Variants in DYRK4 observed in about 807,000 individuals in gnomAD.
The protein encoded by DYRK4 is dual specificity tyrosine-phosphorylation-regulated kinase 4.
DYRK4 carries 64 observed loss-of-function variants against 68.3 expected under a neutral mutation model. The ratio of observed to expected loss-of-function variants is 0.94; its 90% CI spans 0.77 to 1.15. The LOEUF (loss-of-function observed/expected upper bound fraction) is 1.15. Among genes scored for constraint, DYRK4 ranks in the 50% most tolerant of loss-of-function variants. The pLI, the probability that DYRK4 is intolerant of heterozygous loss-of-function variation, is 0.00. For synonymous variants in DYRK4, 274 were observed against 289.9 expected, an observed-to-expected ratio of 0.95 and a Z score of 0.56; for missense variants, 740 against 764.7, an observed-to-expected ratio of 0.97 and a Z score of 0.38.
chr12:4,579,842 A>C (rs1311668881), intron 2 of DYRK4, among the ~76,000 whole-genome samples: 1 of 152,206 alleles, frequency 6.6e-6, no homozygotes, highest in Non-Finnish European at 1.5e-5. Flanking sequence ...TTGGAGGGGA[A>C]GTTCTTTATA....
chr12:4,591,674 G>A lies in DYRK4; in HGVS notation c.463+376G>A, dbSNP rs753819498. The A allele has an allele frequency of 1.5e-5, 3 of 193,904 alleles. No individual in the cohort carries two copies. The highest frequency in any genetic ancestry group is 3.2e-5 in the Non-Finnish European group (3 of 94,518). The allele number at this position is 193,904 out of a possible 1,614,324, so 12.0% of individuals were successfully genotyped here. A position where few individuals can be genotyped will look rare whatever the true frequency, so the allele number is the denominator to read the frequency against. The stretch of plus-strand genomic sequence containing the variant: ...GGAGTGGAAAGGTACTGAATACTGA[G>A]AGCAGAGCAAAGGGTGCTGAAGCTT... On this transcript the variant is annotated intron_variant, in intron 5 of 14. Transcript: ENST00000543431. The surrounding 1 kb of genome is among the most constrained non-coding windows in gnomAD (Gnocchi z 4.1).
chr12:4,567,232 C>T (rs1944685944), intron 1 of DYRK4: 1 of 152,156 alleles, frequency 6.6e-6, no homozygotes, highest in Admixed American at 6.5e-5. Flanking sequence ...TTTGCAGAAG[C>T]TGTCATAATA....
chr12:4,602,779 A>C, intron 10 of DYRK4: 1 of 1,526,254 alleles, frequency 6.6e-7, no homozygotes, highest in Non-Finnish European at 9.1e-7. Flanking sequence ...GTATTGTCCT[A>C]TCCTTGTTTA....
chr12:4,573,484 G>T (rs1329478759), intron 2 of DYRK4: 4 of 992,654 alleles, frequency 4.0e-6, no homozygotes, highest in Non-Finnish European at 5.5e-6. Flanking sequence ...GGAATTGGCG[G>T]GTGGGGGCAT....
intron 2 of DYRK4, among the ~76,000 whole-genome samples, chr12:4,588,029 C>T (rs556621395): frequency 2.6e-5 from 4 of 152,314 alleles, no homozygotes; most frequent in East Asian, 1.9e-4. Flanking sequence ...GCCATGCCTA[C>T]GCCTACATAG....
At chr12:4,603,188 G>A (rs1351603176) in intron 10 of DYRK4, 1 of 1,215,946 alleles carries the variant, frequency 8.2e-7, no homozygotes, top group Non-Finnish European at 1.2e-6. Flanking sequence ...ATTTCTTCTT[G>A]GTGAGACCTC....
At position 4,591,020 on chromosome 12, in the gene DYRK4, G is replaced by A; in HGVS notation, c.325-140G>A. 2.0e-6 allele frequency: 2 copies of A among 985,960 alleles called. No individual in the cohort carries two copies. Among genetic ancestry groups the A allele is most frequent in the East Asian group, 5.2e-5 (2 of 38,492 alleles). 61.1% of individuals were successfully genotyped at this position (985,960 alleles called of 1,614,324 possible). ...GGGAGAGAGGTAGGGAGAACCTTCT[G>A]TCTCTTAATCGCTGTTTTCTCCCTG... is the stretch of plus-strand genomic sequence containing the variant. On this transcript the variant is annotated intron_variant, in intron 4 of 14. Transcript: ENST00000543431. The surrounding 1 kb of genome is among the most constrained non-coding windows in gnomAD (Gnocchi z 4.1).
At chr12:4,596,536 C>T (rs1218735575) in intron 7 of DYRK4, 53 bp from the exon 8 acceptor site, 4 of 1,593,844 alleles carry the variant, frequency 2.5e-6, no homozygotes, top group Admixed American at 3.6e-5. Flanking sequence ...GGACCTGACA[C>T]TGATGTTTCT....
Position 4,599,788 on chromosome 12 carries a change from G to T in DYRK4, c.1126G>T (p.Val376Leu), listed in dbSNP as rs749243941. 2.8e-5 allele frequency: 45 copies of T among 1,613,446 alleles called. No homozygotes were observed. Among genetic ancestry groups the T allele is most frequent in the Middle Eastern group, 1.6e-4 (1 of 6,082 alleles). ...FGSSCYEHQK[V>L]YTYIQSRFYR... ...ATCAAGCTGTTATGAACACCAGAAA[G>T]GTGAGCCCCATGTCAGTCCCATCAT... Residue 376 changes from valine (V) to leucine (L), a missense_variant and splice_region_variant, in exon 10 of 15, where the codon GTA becomes TTA. Physicochemically the swap from Val to Leu is conservative, Grantham distance 32. This residue lies in a region of DYRK4 where 614 missense variants were observed against 603.7 expected (regional missense o/e 1.02). Coordinates refer to ENST00000543431, the MANE Select transcript of DYRK4 (RefSeq NM_001394779.1).
intron 6 of DYRK4, among the ~76,000 whole-genome samples, chr12:4,595,024 C>T (rs1192835836): frequency 2.0e-5 from 3 of 152,302 alleles, no homozygotes; most frequent in South Asian, 2.1e-4. Flanking sequence ...AGTTGACTTG[C>T]GAACGAACAA....
chr12:4,583,792 A>G (rs1319471795), intron 2 of DYRK4, among the ~76,000 whole-genome samples: 1 of 152,100 alleles, frequency 6.6e-6, no homozygotes, highest in African/African-American at 2.4e-5. Context: ...ACAAAGAAGT[A>G]GTGTCAGGGA....
intron 10 of DYRK4, 160 bp from the exon 11 acceptor site, chr12:4,604,754 G>A: frequency 4.0e-6 from 3 of 748,284 alleles, no homozygotes; most frequent in Non-Finnish European, 5.7e-6. Context: ...TGGCGGATTT[G>A]ATGCTGTGAT....
intron 9 of DYRK4, 83 bp downstream of exon 9, chr12:4,599,249 C>T: frequency 8.6e-7 from 1 of 1,161,024 alleles, no homozygotes; most frequent in Non-Finnish European, 1.2e-6. Context: ...TCACAAACTC[C>T]AATCAAATAA....
chr12:4,599,270 C>CTTTT (rs71061195), intron 9 of DYRK4, 104 bp downstream of exon 9: 779 of 459,238 alleles, frequency 1.7e-3, no homozygotes, highest in South Asian at 2.0e-3. Flanking sequence ...TTGCCTTTGA[C>CTTTT]TTTTTTTTTT....
At chr12:4,608,921 G>A (rs1591809102) in intron 12 of DYRK4, among the ~76,000 whole-genome samples, 1 of 152,176 alleles carries the variant, frequency 6.6e-6, no homozygotes, top group Non-Finnish European at 1.5e-5. Context: ...CATGGAGCAC[G>A]CGAACTGGTC....
chr12:4,562,909 A>G (rs772023824), intron 1 of DYRK4: 13 of 359,866 alleles, frequency 3.6e-5, no homozygotes, highest in Non-Finnish European at 7.1e-5. Flanking sequence ...ACAATGCACA[A>G]TTTGAGGGTT....
At chr12:4,577,786 A>T (rs934193547) in intron 2 of DYRK4, among the ~76,000 whole-genome samples, 3 of 152,162 alleles carry the variant, frequency 2.0e-5, no homozygotes, top group African/African-American at 7.2e-5. Flanking sequence ...ATTTATTTAG[A>T]TCCTCTTTGA....
chr12:4,581,697 T>C (rs2137343435), intron 2 of DYRK4, among the ~76,000 whole-genome samples: 1 of 152,284 alleles, frequency 6.6e-6, no homozygotes, highest in Admixed American at 6.5e-5. Flanking sequence ...TAGAGTTGTC[T>C]CAGATCTTTC....
chr12:4,595,658 C>T (rs1414218604), intron 6 of DYRK4, among the ~76,000 whole-genome samples: 3 of 152,138 alleles, frequency 2.0e-5, no homozygotes, highest in Non-Finnish European at 2.9e-5. Flanking sequence ...AGAGAGGAGA[C>T]CTAACGCCTT....
Sources: gnomAD v4.1 joint callset for allele counts (sites outside exome capture counted in the v4.1 genomes callset) on GRCh38, gnomAD v4.1.1 for gene constraint, gnomAD v4.1.1 regional missense constraint, Gnocchi (gnomAD v3.1) non-coding constraint, MANE v1.5 for transcripts, NCBI Gene and HGNC (gene_info 2026-07-23, HGNC 2026-07-21) for gene names.